PCDHGB3: variants seen among roughly 807,000 people sequenced by gnomAD.
PCDHGB3 encodes protocadherin gamma subfamily B, 3.
Under a neutral mutation model 59.2 loss-of-function variants are expected in PCDHGB3, and 40 were observed. The observed-to-expected ratio is 0.68, with a 90% confidence interval of 0.52 to 0.88. The LOEUF is 0.88. PCDHGB3 is among the 40% of genes least tolerant of loss of function. The pLI is 0.00. For missense variants in PCDHGB3, 1,309 were observed against 1,187.9 expected, an observed-to-expected ratio of 1.10 and a Z score of -1.50; for synonymous variants, 581 against 503.6, an observed-to-expected ratio of 1.15 and a Z score of -2.06.
In PCDHGB3 at chr5:141,422,662, G is replaced by A. The variant is rs771844166; in HGVS notation, c.2415+49853G>A. On this transcript the variant is annotated intron_variant, in intron 1 of 3. Transcript: ENST00000576222. Reference sequence around the variant, plus strand: ...CTCCATCTTCTCAGTGACCGCCCTCGACCCGGACAGCAAACAGAATGCCCT... The same window carrying A: ...CTCCATCTTCTCAGTGACCGCCCTCAACCCGGACAGCAAACAGAATGCCCT... 4 of 1,608,410 alleles carry A rather than the reference G, an allele frequency of 2.5e-6. No individual in the cohort carries two copies. In the South Asian group the frequency reaches 3.3e-5, roughly 13 times the overall value.
chr5:141,425,528 C>CA (rs890632943), intron 1 of PCDHGB3, among the ~76,000 whole-genome samples: 1 of 152,200 alleles, frequency 6.6e-6, no homozygotes, highest in African/African-American at 2.4e-5. Context: ...AAACATGAAA[C>CA]AATAATCCTT....
Position 141,371,563 on chromosome 5 carries a change from TC to T in PCDHGB3, c.1173del (p.Phe392LeufsTer14). 6.2e-7 allele frequency: 1 copy of T among 1,613,806 alleles called. No individual in the cohort carries two copies. Among genetic ancestry groups the T allele is most frequent in the Non-Finnish European group, 8.5e-7 (1 of 1,179,812 alleles). ...ATCCTATGCCAACTAAAAGGAAACT[TC>T]CCCTTTAAAATCGTTCAAGATACCA... ...GEILCQLKGN[F>X]PFKIVQDTKN... On this transcript the variant is annotated frameshift_variant, in exon 1 of 4. Transcript: ENST00000576222. LOFTEE classifies it high-confidence loss of function.
chr5:141,511,230 C>A lies in PCDHGB3; in HGVS notation c.*57C>A. On this transcript the variant is annotated 3_prime_UTR_variant, in exon 4 of 4. Transcript: ENST00000576222. ...CCTCTCCCCAACCAGCCCAGCTTCT[C>A]CTTACCTGCACCCAGGCCTCAGAGT... 6.3e-7 allele frequency: 1 copy of A among 1,597,914 alleles called. No homozygotes were observed. The highest frequency in any genetic ancestry group is 1.1e-5 in the South Asian group (1 of 89,144).
chr5:141,471,124 A>C (rs2099250596), intron 1 of PCDHGB3, among the ~76,000 whole-genome samples: 1 of 141,916 alleles, frequency 7.0e-6, no homozygotes, highest in East Asian at 2.1e-4. Flanking sequence ...TCTTACCTTC[A>C]CTGCAACCTC....
intron 1 of PCDHGB3, chr5:141,440,087 A>C (rs1014881024): frequency 6.6e-6 from 1 of 152,316 alleles, no homozygotes; most frequent in African/African-American, 2.4e-5. Context: ...CTTCATTCTA[A>C]GTGGGGAAAG....
At chr5:141,417,003 A>T (rs1444236854) in intron 1 of PCDHGB3, 1 of 150,264 alleles carries the variant, frequency 6.7e-6, no homozygotes, top group African/African-American at 2.5e-5. Flanking sequence ...CATCTCAAAT[A>T]ATTCTATTAT....
chr5:141,468,860 C>A (rs941902317), intron 1 of PCDHGB3, among the ~76,000 whole-genome samples: 16 of 151,980 alleles, frequency 1.1e-4, no homozygotes, highest in Admixed American at 4.6e-4. Context: ...AGCGAGACTC[C>A]ATCTCAAAAA....
chr5:141,389,135 T>C (rs547733890), intron 1 of PCDHGB3: 2 of 1,613,982 alleles, frequency 1.2e-6, no homozygotes, highest in Admixed American at 1.7e-5. Context: ...CAGAGTACAA[T>C]ATAACCGTTA....
chr5:141,415,519 A>G, intron 1 of PCDHGB3: 1 of 1,614,182 alleles, frequency 6.2e-7, no homozygotes, highest in Non-Finnish European at 8.5e-7. Context: ...TTATGCGGAC[A>G]CGCTCATCAG....
intron 1 of PCDHGB3, among the ~76,000 whole-genome samples, chr5:141,373,589 GTGA>G (rs1348028052): frequency 6.6e-6 from 1 of 152,242 alleles, no homozygotes; most frequent in Non-Finnish European, 1.5e-5. Flanking sequence ...GTGGTGAAAT[GTGA>G]TGATAATTCA....
At chr5:141,399,562 T>TTGAACGGCCAAGTCTCCTACTCTATCA in intron 1 of PCDHGB3, 1 of 1,614,016 alleles carries the variant, frequency 6.2e-7, no homozygotes, top group Non-Finnish European at 8.5e-7. Context: ...GGACTTGGGG[T>TTGAACGGCCAAGTCTCCTACTCTATCA]TGAACGGCCA....
At chr5:141,374,794 C>G (rs369215509) in intron 1 of PCDHGB3, 6 of 1,613,916 alleles carry the variant, frequency 3.7e-6, no homozygotes, top group Non-Finnish European at 5.1e-6. Flanking sequence ...ATGTGAATGA[C>G]AACACTCCAA....
intron 2 of PCDHGB3, 36 bp from the exon 3 acceptor site, chr5:141,505,357 T>A (rs1026098450): frequency 6.2e-7 from 1 of 1,613,762 alleles, no homozygotes; most frequent in African/African-American, 1.3e-5. Context: ...TGTGCCGGCC[T>A]GGGAGTCTGT....
In PCDHGB3 at chr5:141,474,831, G is replaced by A. The variant is rs188288898; in HGVS notation, c.2416-19976G>A. On this transcript the variant is annotated intron_variant, in intron 1 of 3. Coordinates refer to ENST00000576222, the MANE Select transcript of PCDHGB3 (RefSeq NM_018924.5). ...CATCATTAATTGAGGCTTACTCTGTGCCAGGCACTTTACCTGCCTTCTTCA... is the reference window on the plus strand; with the variant it reads ...CATCATTAATTGAGGCTTACTCTGTACCAGGCACTTTACCTGCCTTCTTCA... 5.3e-5 allele frequency among the ~76,000 whole-genome samples: 8 copies of A among 152,350 alleles called. No individual in the cohort carries two copies. The East Asian group carries it at 1.5e-3, about 29-fold the overall frequency.
At chr5:141,375,420 A>G (rs777736413) in intron 1 of PCDHGB3, 6 of 1,614,002 alleles carry the variant, frequency 3.7e-6, no homozygotes, top group Admixed American at 3.3e-5. Flanking sequence ...GCAGACACCA[A>G]CGACAACCCG....
intron 1 of PCDHGB3, chr5:141,408,468 G>T: frequency 6.2e-7 from 1 of 1,614,070 alleles, no homozygotes; most frequent in Non-Finnish European, 8.5e-7. Context: ...GTGAAGAACC[G>T]AATAGACCGT....
intron 1 of PCDHGB3, among the ~76,000 whole-genome samples, chr5:141,448,837 C>CT (rs2098610093): frequency 6.6e-6 from 1 of 152,014 alleles, no homozygotes; most frequent in Non-Finnish European, 1.5e-5. Context: ...CCCAGCTACT[C>CT]TGGAGGCTGA....
In PCDHGB3 at chr5:141,511,251, A is replaced by T. The variant is rs780892899; in HGVS notation, c.*78A>T. 2.0e-5 allele frequency: 32 copies of T among 1,571,672 alleles called. No homozygotes were observed. Among genetic ancestry groups the T allele is most frequent in the Non-Finnish European group, 2.6e-5 (30 of 1,158,828 alleles). ...TTCTCCTTACCTGCACCCAGGCCTC[A>T]GAGTTTCAGGGCTAACCCCCAGAAT... On this transcript the variant is annotated 3_prime_UTR_variant, in exon 4 of 4. Transcript: ENST00000576222.
At chr5:141,410,619 C>G in intron 1 of PCDHGB3, 1 of 1,603,732 alleles carries the variant, frequency 6.2e-7, no homozygotes, top group Admixed American at 1.7e-5. Context: ...ACTCTGACTT[C>G]GGTGAGTTTC....
Sources: allele counts gnomAD v4.1 joint callset (sites outside exome capture counted in the v4.1 genomes callset), GRCh38; gene constraint gnomAD v4.1.1; transcripts MANE v1.5; gene names NCBI Gene and HGNC (gene_info 2026-07-23, HGNC 2026-07-21).